The following STARD9 variants were observed in gnomAD, a reference collection of about 807,000 sequenced individuals.
STARD9 encodes StAR related lipid transfer domain containing 9, also known as stAR-related lipid transfer protein 9.
STARD9 carries 346 observed loss-of-function variants against 399.8 expected under a neutral mutation model. That is an observed-to-expected ratio of 0.87 (90% CI 0.79 to 0.95). STARD9 has a LOEUF of 0.95. Among genes scored for constraint, STARD9 ranks in the 40% least tolerant of loss-of-function variants. The pLI, the probability that STARD9 is intolerant of heterozygous loss-of-function variation, is 0.00. For synonymous variants in STARD9, 2,203 were observed against 2,143.5 expected, an observed-to-expected ratio of 1.03 and a Z score of -0.77; for missense variants, 5,832 against 5,667.5, an observed-to-expected ratio of 1.03 and a Z score of -0.93.
intron 3 of STARD9, among the ~76,000 whole-genome samples, chr15:42,608,537 C>T (rs2058783283): frequency 6.6e-6 from 1 of 152,120 alleles, no homozygotes; most frequent in Non-Finnish European, 1.5e-5. Context: ...TCCTAGCAGC[C>T]TGATTGCAGG....
chr15:42,702,499 GCC>G (rs1467227977), intron 26 of STARD9, among the ~76,000 whole-genome samples: 4 of 152,144 alleles, frequency 2.6e-5, no homozygotes, highest in Non-Finnish European at 5.9e-5. Context: ...ACCGCGCCCG[GCC>G]TGTTGTTATT....
chr15:42,678,642 G>C (rs935850057), intron 20 of STARD9, among the ~76,000 whole-genome samples: 1 of 152,160 alleles, frequency 6.6e-6, no homozygotes, highest in East Asian at 1.9e-4. Flanking sequence ...GCCAGACCCC[G>C]AGGCTGGGGG....
chr15:42,659,868 C>G (rs906651878), intron 9 of STARD9, among the ~76,000 whole-genome samples: 1 of 152,100 alleles, frequency 6.6e-6, no homozygotes, highest in Non-Finnish European at 1.5e-5. Context: ...CCCAGCAATT[C>G]TACTCTTAGG....
intron 3 of STARD9, among the ~76,000 whole-genome samples, chr15:42,587,887 C>T (rs1016358962): frequency 2.0e-5 from 3 of 152,126 alleles, no homozygotes; most frequent in Non-Finnish European, 2.9e-5. Flanking sequence ...TTTATCCCAG[C>T]ACTCAAGTGT....
At position 42,684,139 on chromosome 15, in the gene STARD9, C is replaced by G. The variant is rs1489774382; in HGVS notation, c.2561C>G (p.Ser854Cys). The G allele has an allele frequency of 6.5e-7, 1 of 1,535,140 alleles. No homozygotes were observed. Among genetic ancestry groups the G allele is most frequent in the East Asian group, 2.4e-5 (1 of 40,896 alleles). The change falls in exon 23 of 33, where the codon TCT becomes TGT. Residue 854 changes from serine to cysteine, a missense_variant. Coordinates refer to ENST00000290607, the MANE Select transcript of STARD9 (RefSeq NM_020759.3). The stretch of plus-strand genomic sequence containing the variant: ...AGCATTTTCCTAAGTTGGGATCCCT[C>G]TACCACATTGCCACCTAGGCCTGAC... ...LHSIFLSWDPSTTLPPRPDPT... is the reference protein window; with the variant it reads ...LHSIFLSWDPCTTLPPRPDPT...
intron 26 of STARD9, among the ~76,000 whole-genome samples, chr15:42,701,680 A>G (rs997480118): frequency 6.6e-6 from 1 of 152,186 alleles, no homozygotes; most frequent in Non-Finnish European, 1.5e-5. Flanking sequence ...AGTTGAGTGC[A>G]TGACCAACAG....
At chr15:42,702,441 A>G (rs909397861) in intron 26 of STARD9, among the ~76,000 whole-genome samples, 4 of 152,036 alleles carry the variant, frequency 2.6e-5, no homozygotes, top group Non-Finnish European at 4.4e-5. Flanking sequence ...TGACCTCATG[A>G]TCTGCCCACC....
chr15:42,674,888 T>A lies in STARD9; in HGVS notation c.1611T>A (p.Val537=). 1 of 1,537,104 alleles carries A rather than the reference T, an allele frequency of 6.5e-7. No individual in the cohort carries two copies. Among genetic ancestry groups the A allele is most frequent in the Non-Finnish European group, 8.7e-7 (1 of 1,146,830 alleles). The change falls in exon 18 of 33, where the codon GTT becomes GTA. Residue 537 remains valine (V), a synonymous_variant. Transcript: ENST00000290607. ...HCTITSACGV[V]VLRPARGARC... is the part of the protein sequence containing the mutation. ...CTATCACCAGTGCCTGTGGTGTAGT[T>A]GTTCTACGACCTGCCCGTGGGGCCC...
Position 42,684,713 on chromosome 15 carries a change from G to A in STARD9, c.3135G>A (p.Gln1045=), listed in dbSNP as rs1342215899. 2.0e-6 allele frequency: 3 copies of A among 1,537,124 alleles called. No individual in the cohort carries two copies. The African/African-American group carries it at 4.1e-5, about 21-fold the overall frequency. ...CAAGCAGGGCATCAAAAAGGCATCA[G>A]AGGGTTCTGGCAACTAGGGTCAGAA... The part of the protein sequence containing the change: ...PSPSRASKRH[Q]RVLATRVRNI... Residue 1045 remains glutamine (Q), a synonymous_variant, in exon 23 of 33, where the codon CAG becomes CAA. Transcript: ENST00000290607.
intron 3 of STARD9, among the ~76,000 whole-genome samples, chr15:42,586,968 A>C (rs1307644508): frequency 6.6e-6 from 1 of 151,584 alleles, no homozygotes; most frequent in African/African-American, 2.4e-5. Context: ...TGATCTTCCC[A>C]CCACAGCCTC....
At chr15:42,711,609 T>A (rs2061225440) in intron 26 of STARD9, among the ~76,000 whole-genome samples, 1 of 152,218 alleles carries the variant, frequency 6.6e-6, no homozygotes, top group Non-Finnish European at 1.5e-5. Context: ...AGACAGTGAT[T>A]TAACCCACAA....
intron 9 of STARD9, 84 bp downstream of exon 9, chr15:42,652,676 TTTTG>T (rs2059787276): frequency 7.7e-7 from 1 of 1,297,190 alleles, no homozygotes; most frequent in African/African-American, 1.5e-5. Flanking sequence ...CTATTTCTTT[TTTTG>T]TTTGTTGGTT....
At position 42,718,024 on chromosome 15, in the gene STARD9, C is replaced by T; in HGVS notation, c.13607C>T (p.Ser4536Phe). 2 of 1,537,250 alleles carry T rather than the reference C, an allele frequency of 1.3e-6. No individual in the cohort carries two copies. The highest frequency in any genetic ancestry group is 8.7e-7 in the Non-Finnish European group (1 of 1,146,920). ...QAVQLYYKVF[S>F]PTRHGFLGAG... Reference sequence around the variant, plus strand: ...GTGCAGCTTTACTACAAGGTGTTTTCTCCCACTCGGCATGGCTTCCTGGGG... The same window carrying T: ...GTGCAGCTTTACTACAAGGTGTTTTTTCCCACTCGGCATGGCTTCCTGGGG... Residue 4536 changes from serine (S) to phenylalanine (F), a missense_variant, in exon 30 of 33, where the codon TCT (serine) becomes TTT (phenylalanine). Around this residue, in one of 2 missense-constraint regions of STARD9, gnomAD observed 5,828 missense variants for 5,651.1 expected, o/e 1.03. Transcript: ENST00000290607.
chr15:42,689,289 A>C lies in STARD9; in HGVS notation c.7711A>C (p.Arg2571=), dbSNP rs1360232692. ...QRKQLHDFVA[R]GTVLSYCETL... is the part of the protein sequence containing the mutation. ...AAAGCAGCTTCATGACTTTGTGGCC[A>C]GGGGCACAGTCCTTTCTTACTGTGA... Residue 2571 remains arginine (R), a synonymous_variant, in exon 23 of 33, where the codon AGG becomes CGG. Transcript: ENST00000290607. 6.5e-7 allele frequency: 1 copy of C among 1,537,278 alleles called. No homozygotes were observed. The highest frequency in any genetic ancestry group is 2.4e-5 in the East Asian group (1 of 40,920).
chr15:42,667,350 A>G (rs1282839327), intron 15 of STARD9, among the ~76,000 whole-genome samples: 1 of 150,230 alleles, frequency 6.7e-6, no homozygotes, highest in Non-Finnish European at 1.5e-5. Context: ...ACGCCCGACT[A>G]ATTTTTGTAT....
Position 42,689,374 on chromosome 15 carries a change from T to C in STARD9, c.7796T>C (p.Ile2599Thr), listed in dbSNP as rs1206289016. The C allele has an allele frequency of 1.3e-6, 2 of 1,537,186 alleles. No individual in the cohort carries two copies. Among genetic ancestry groups the C allele is most frequent in the African/African-American group, 1.4e-5 (1 of 73,042 alleles). The change falls in exon 23 of 33, where the codon ATA (isoleucine) becomes ACA (threonine). Residue 2599 changes from isoleucine (I) to threonine (T), a missense_variant. Around this residue, in one of 2 missense-constraint regions of STARD9, gnomAD observed 5,828 missense variants for 5,651.1 expected, o/e 1.03. Transcript: ENST00000290607. ...GCTGGCAGGCCTCAGTGTAAACAAA[T>C]AGACCAGTCATCATCAGACCAGACC... ...RVAGRPQCKQIDQSSSDQTRN... is the reference protein window; with the variant it reads ...RVAGRPQCKQTDQSSSDQTRN...
chr15:42,581,335 T>G, intron 1 of STARD9: 1 of 1,323,286 alleles, frequency 7.6e-7, no homozygotes, highest in Non-Finnish European at 1.1e-6. Context: ...TCATAAATGA[T>G]TTGAGTTTCT....
chr15:42,686,605 G>A lies in STARD9; in HGVS notation c.5027G>A (p.Arg1676Lys). The change falls in exon 23 of 33, where the codon AGG (arginine) becomes AAG (lysine). Residue 1676 changes from arginine to lysine, a missense_variant. Arg to Lys is a conservative substitution (Grantham distance 26). This residue lies in a region of STARD9 where 5,828 missense variants were observed against 5,651.1 expected (regional missense o/e 1.03). Transcript: ENST00000290607. ...DHWSQGWAPLRKNSAVQPGQL... is the reference protein window; with the variant it reads ...DHWSQGWAPLKKNSAVQPGQL... ...TGGTCCCAAGGCTGGGCTCCTCTCA[G>A]GAAAAATAGTGCAGTCCAGCCAGGG... 6.5e-7 allele frequency: 1 copy of A among 1,537,342 alleles called. No individual in the cohort carries two copies. The highest frequency in any genetic ancestry group is 8.7e-7 in the Non-Finnish European group (1 of 1,146,982).
At position 42,689,465 on chromosome 15, in the gene STARD9, T is replaced by A; in HGVS notation, c.7887T>A (p.Asp2629Glu). The change falls in exon 23 of 33, where the codon GAT (aspartate) becomes GAA (glutamate). Residue 2629 changes from aspartate to glutamate, a missense_variant. Around this residue, in one of 2 missense-constraint regions of STARD9, gnomAD observed 5,828 missense variants for 5,651.1 expected, o/e 1.03. Transcript: ENST00000290607. ...TATCTGCTGAAGCAGGGCAGATAGA[T>A]CTGTTACCTGATGAGAGGAAAGTCC... ...ASLSAEAGQI[D>E]LLPDERKVQA... 2 of 1,537,318 alleles carry A rather than the reference T, an allele frequency of 1.3e-6. No homozygotes were observed.
Sources: gnomAD v4.1 joint callset for allele counts (sites outside exome capture counted in the v4.1 genomes callset) on GRCh38, gnomAD v4.1.1 for gene constraint, gnomAD v4.1.1 regional missense constraint, MANE v1.5 for transcripts, NCBI Gene and HGNC (gene_info 2026-07-23, HGNC 2026-07-21) for gene names.